The following SEMA3A variants were observed in gnomAD, a reference collection of about 807,000 sequenced individuals.
SEMA3A encodes the protein semaphorin 3A.
Under a neutral mutation model 97.9 loss-of-function variants are expected in SEMA3A, and 29 were observed. That is an observed-to-expected ratio of 0.30 (90% CI 0.22 to 0.40). The LOEUF is 0.40. Ranked by LOEUF, SEMA3A falls within the 10% of genes least tolerant of loss-of-function variation. SEMA3A has a pLI of 1.00. For missense variants in SEMA3A, 763 were observed against 951.3 expected, an observed-to-expected ratio of 0.80 and a Z score of 2.60; for synonymous variants, 321 against 323.7, an observed-to-expected ratio of 0.99 and a Z score of 0.09.
intron 1 of SEMA3A, among the ~76,000 whole-genome samples, chr7:84,402,031 A>AAAGG (rs1488290765): frequency 6.6e-6 from 1 of 152,206 alleles, no homozygotes; most frequent in African/African-American, 2.4e-5. Flanking sequence ...TCTACACAGC[A>AAAGG]AAGGAAACAA....
intron 4 of SEMA3A, among the ~76,000 whole-genome samples, chr7:84,063,139 G>A (rs2115702693): frequency 6.6e-6 from 1 of 152,028 alleles, no homozygotes; most frequent in South Asian, 2.1e-4. Flanking sequence ...TAACTGTGAG[G>A]CACCCCCAAG....
At chr7:84,004,761 A>T (rs149887226) in intron 11 of SEMA3A, among the ~76,000 whole-genome samples, 1 of 152,322 alleles carries the variant, frequency 6.6e-6, no homozygotes, top group African/African-American at 2.4e-5. Flanking sequence ...AAAGATAATA[A>T]ATTTGTAATG....
chr7:84,196,043 G>T (rs761219538), upstream of SEMA3A, among the ~76,000 whole-genome samples: 1 of 151,960 alleles, frequency 6.6e-6, no homozygotes, highest in Non-Finnish European at 1.5e-5. Flanking sequence ...AATCTTTAGG[G>T]GATGTATAAA....
At chr7:84,301,043 A>C (rs1182585202) in intron 3 of SEMA3A, among the ~76,000 whole-genome samples, 3 of 152,116 alleles carry the variant, frequency 2.0e-5, no homozygotes, top group Non-Finnish European at 4.4e-5. Context: ...TGGATTAAAA[A>C]ATTCAATAAA....
chr7:84,416,101 G>T (rs1804426279), intron 1 of SEMA3A, among the ~76,000 whole-genome samples: 2 of 152,174 alleles, frequency 1.3e-5, no homozygotes, highest in South Asian at 4.1e-4. Flanking sequence ...TAAAAGTACT[G>T]ATATGGTTTG....
chr7:84,303,872 G>A (rs1415555229), intron 3 of SEMA3A, among the ~76,000 whole-genome samples: 4 of 152,116 alleles, frequency 2.6e-5, no homozygotes, highest in East Asian at 3.9e-4. Context: ...TATTAAATGC[G>A]TTTTCGACTT....
intron 1 of SEMA3A, among the ~76,000 whole-genome samples, chr7:84,424,267 T>C (rs115890296): frequency 0.011 from 1,594 of 147,722 alleles, 22 homozygotes; most frequent in African/African-American, 0.037. Flanking sequence ...AATGAGTGGA[T>C]AAAGAAAATG....
intron 1 of SEMA3A, among the ~76,000 whole-genome samples, chr7:84,137,183 G>A (rs532771060): frequency 1.3e-5 from 2 of 152,008 alleles, no homozygotes; most frequent in East Asian, 3.9e-4. Flanking sequence ...GGTGGATCAC[G>A]AGGTCAGGAG....
chr7:84,229,128 C>T (rs1799058985), intron 3 of SEMA3A, among the ~76,000 whole-genome samples: 1 of 151,768 alleles, frequency 6.6e-6, no homozygotes, highest in Non-Finnish European at 1.5e-5. Flanking sequence ...TATAGTTTTA[C>T]AAGGTTGCTT....
At chr7:84,298,104 C>G (rs1398900394) in intron 3 of SEMA3A, among the ~76,000 whole-genome samples, 2 of 152,030 alleles carry the variant, frequency 1.3e-5, no homozygotes, top group Non-Finnish European at 2.9e-5. Context: ...GAAATATGGC[C>G]ATAAAGGAGG....
intron 3 of SEMA3A, among the ~76,000 whole-genome samples, chr7:84,248,774 C>T (rs1334529554): frequency 1.4e-5 from 2 of 140,986 alleles, no homozygotes; most frequent in African/African-American, 2.5e-5. Context: ...TTTAAAATTA[C>T]GCAGTAAGTT....
chr7:84,082,733 G>C (rs1794203972), intron 4 of SEMA3A, among the ~76,000 whole-genome samples: 1 of 151,938 alleles, frequency 6.6e-6, no homozygotes, highest in Non-Finnish European at 1.5e-5. Flanking sequence ...ATTAGCTTTT[G>C]AGTTCAAATA....
At chr7:84,359,499 A>G in intron 2 of SEMA3A, among the ~76,000 whole-genome samples, 1 of 152,062 alleles carries the variant, frequency 6.6e-6, no homozygotes, top group Non-Finnish European at 1.5e-5. Flanking sequence ...CCACTTGATC[A>G]TGGTGGATAA....
At chr7:84,082,148 G>A (rs1392406469) in intron 4 of SEMA3A, among the ~76,000 whole-genome samples, 1 of 152,084 alleles carries the variant, frequency 6.6e-6, no homozygotes, top group Non-Finnish European at 1.5e-5. Context: ...CTGACTCATG[G>A]TTTTGCTTTA....
chr7:84,284,159 A>G (rs1408828984), intron 3 of SEMA3A, among the ~76,000 whole-genome samples: 1 of 152,134 alleles, frequency 6.6e-6, no homozygotes, highest in Non-Finnish European at 1.5e-5. Context: ...ATTTAATTTT[A>G]TATTTAAAGG....
chr7:84,382,928 A>G (rs989243210), intron 1 of SEMA3A, among the ~76,000 whole-genome samples: 2 of 152,000 alleles, frequency 1.3e-5, no homozygotes, highest in African/African-American at 4.8e-5. Context: ...CCCATATCAT[A>G]AAAGCTAACT....
intron 3 of SEMA3A, among the ~76,000 whole-genome samples, chr7:84,204,528 A>G (rs888016946): frequency 1.3e-5 from 2 of 152,168 alleles, no homozygotes; most frequent in South Asian, 2.1e-4. Flanking sequence ...GGGGAGAAAA[A>G]TTAGTGACTC....
chr7:84,087,725 T>C (rs974047729), intron 4 of SEMA3A, among the ~76,000 whole-genome samples: 3 of 152,188 alleles, frequency 2.0e-5, no homozygotes, highest in Non-Finnish European at 4.4e-5. Context: ...TTGATTATTG[T>C]TATATTGGCA....
chr7:83,957,314 T>C lies in SEMA3A; in HGVS notation c.*4057A>G, dbSNP rs1171983405. On this transcript the variant is annotated 3_prime_UTR_variant, in exon 17 of 17. Coordinates refer to ENST00000265362, the MANE Select transcript of SEMA3A (RefSeq NM_006080.3). ...CTCTTTGAGAACAAGGGTTATGTCT[T>C]ATTCACTTTAGTGTCCTCATCACCT... The C allele has an allele frequency of 6.6e-6, 1 of 152,116 alleles. No homozygotes were observed. The highest frequency in any genetic ancestry group is 1.5e-5 in the Non-Finnish European group (1 of 67,996). 9.4% of individuals were successfully genotyped at this position (152,116 alleles called of 1,614,324 possible).
Sources: allele counts gnomAD v4.1 joint callset (sites outside exome capture counted in the v4.1 genomes callset), GRCh38; gene constraint gnomAD v4.1.1; transcripts MANE v1.5; gene names NCBI Gene and HGNC (gene_info 2026-07-23, HGNC 2026-07-21).